Variants in MLLT1 observed in about 807,000 individuals in gnomAD.
The protein encoded by MLLT1 is protein ENL.
In MLLT1, 11 loss-of-function variants were observed where a neutral mutation model predicts 55.1. That is an observed-to-expected ratio of 0.20 (90% confidence interval 0.13 to 0.33). The LOEUF (loss-of-function observed/expected upper bound fraction) is 0.33, where lower values mean the gene tolerates loss of function less well. MLLT1 is among the 10% of genes least tolerant of loss of function. The probability of loss-of-function intolerance (pLI) is 1.00; values close to 1 mark genes in which losing one functional copy is unlikely to be tolerated. For synonymous variants in MLLT1, 323 were observed against 320.1 expected (o/e 1.01, Z -0.10); for missense variants, 536 against 760.6 (o/e 0.70, Z 3.47).
intron 3 of MLLT1, among the ~76,000 whole-genome samples, chr19:6,238,797 T>C (rs34441706): frequency 6.6e-6 from 1 of 151,532 alleles, no homozygotes; most frequent in Non-Finnish European, 1.5e-5. Flanking sequence ...AGCAAACGCC[T>C]TCTCCACCAG....
rs962255603 is a variant in MLLT1, at chr19:6,212,278, C to A, written c.*764G>T. On this transcript the variant is annotated 3_prime_UTR_variant, in exon 12 of 12. Transcript: ENST00000252674. ...CCCCCCCGGGAGCCCCGGTAGGAGG[C>A]GGCGGCATCCTTGGAACGGCAAAGG... 5 of 1,065,238 alleles carry A rather than the reference C, an allele frequency of 4.7e-6. No individual in the cohort carries two copies. The highest frequency in any genetic ancestry group is 5.7e-6 in the Non-Finnish European group (5 of 878,968). 66.0% of individuals were successfully genotyped at this position (1,065,238 alleles called of 1,614,324 possible).
chr19:6,212,383 C>A lies in MLLT1; in HGVS notation c.*659G>T. On this transcript the variant is annotated 3_prime_UTR_variant, in exon 12 of 12. Coordinates refer to ENST00000252674, the MANE Select transcript of MLLT1 (RefSeq NM_005934.4). ...CAGCCCCACACCACCGCAGAGACATCTTAACCTACAAGCCCCACCGTACGC... is the reference window on the plus strand; with the variant it reads ...CAGCCCCACACCACCGCAGAGACATATTAACCTACAAGCCCCACCGTACGC... The A allele has an allele frequency of 1.4e-5, 15 of 1,066,366 alleles. No individual in the cohort carries two copies. Among genetic ancestry groups the A allele is most frequent in the Non-Finnish European group, 1.7e-5 (15 of 879,836 alleles). The allele number at this position is 1,066,366 out of a possible 1,614,324, so 66.1% of individuals were successfully genotyped here.
chr19:6,225,449 G>A (rs965209915), intron 5 of MLLT1, among the ~76,000 whole-genome samples: 8 of 152,224 alleles, frequency 5.3e-5, no homozygotes, highest in African/African-American at 9.6e-5. Flanking sequence ...GGAAGAGGCC[G>A]GTTCATGGGC....
intron 3 of MLLT1, among the ~76,000 whole-genome samples, chr19:6,245,731 T>A (rs1490955971): frequency 5.2e-5 from 4 of 76,366 alleles, no homozygotes; most frequent in African/African-American, 2.4e-4. Context: ...CAAATAAAAT[T>A]TTTTTTTAAA....
chr19:6,270,546 T>C lies in MLLT1; in HGVS notation c.193+33A>G, dbSNP rs1182081000. 42 of 1,591,136 alleles carry C rather than the reference T, an allele frequency of 2.6e-5. No homozygotes were observed. Among genetic ancestry groups the C allele is most frequent in the Non-Finnish European group, 3.6e-5 (42 of 1,169,076 alleles). On this transcript the variant is annotated intron_variant, in intron 2 of 11. Coordinates refer to ENST00000252674, the MANE Select transcript of MLLT1 (RefSeq NM_005934.4). This position sits in a 1 kb window ranked among gnomAD's most constrained non-coding sequence, Gnocchi z 7.1. ...GGAGGAGTGAAGACAGATGGGTCCG[T>C]GCTGTGGGCACTCAGGGCTTGAGGC...
At position 6,211,030 on chromosome 19, in the gene MLLT1, G is replaced by A. The variant is rs1207349975; in HGVS notation, c.*2012C>T. On this transcript the variant is annotated 3_prime_UTR_variant, in exon 12 of 12. Transcript: ENST00000252674. The surrounding 1 kb of genome is among the most constrained non-coding windows in gnomAD (Gnocchi z 4.6). ...CCGACCCTCCTCTGGCTGAGTGGAA[G>A]GCTGCTCGAGTCGCTGTGTGGATTT... The A allele has an allele frequency of 8.6e-6, 2 of 231,620 alleles. No individual in the cohort carries two copies. The highest frequency in any genetic ancestry group is 1.7e-5 in the Non-Finnish European group (2 of 117,216). The allele number at this position is 231,620 out of a possible 1,614,324, so 14.3% of individuals were successfully genotyped here.
chr19:6,213,416 G>T lies in MLLT1; in HGVS notation c.1480-8C>A, dbSNP rs370244417. ...CAGCTCATCCGTGTAGGCCTGGGGAGGGGGGGCAGGTCTCAGCAGCGTGTG... is the reference window on the plus strand; with the variant it reads ...CAGCTCATCCGTGTAGGCCTGGGGATGGGGGGCAGGTCTCAGCAGCGTGTG... On this transcript the variant is annotated splice_polypyrimidine_tract_variant and splice_region_variant and intron_variant, in intron 10 of 11. Transcript: ENST00000252674. 15 of 1,608,558 alleles carry T rather than the reference G, an allele frequency of 9.3e-6. No individual in the cohort carries two copies. Among genetic ancestry groups the T allele is most frequent in the South Asian group, 1.1e-5 (1 of 91,062 alleles).
chr19:6,219,569 T>C lies in MLLT1; in HGVS notation c.1111-1528A>G, dbSNP rs1054733641. 2.0e-5 allele frequency among the ~76,000 whole-genome samples: 3 copies of C among 152,148 alleles called. No homozygotes were observed. Among genetic ancestry groups the C allele is most frequent in the Non-Finnish European group, 4.4e-5 (3 of 68,026 alleles). On this transcript the variant is annotated intron_variant, in intron 6 of 11. Coordinates refer to ENST00000252674, the MANE Select transcript of MLLT1 (RefSeq NM_005934.4). The surrounding 1 kb of genome is among the most constrained non-coding windows in gnomAD (Gnocchi z 4.5). ...AGGCCGTCCTATGTCAGCCTCAGTT[T>C]TCCCAGCACCGCCAGCTGCCTGCAC...
chr19:6,246,106 G>GA (rs58578599), intron 3 of MLLT1, among the ~76,000 whole-genome samples: 255 of 127,126 alleles, frequency 2.0e-3, no homozygotes, highest in Admixed American at 7.1e-3. Context: ...AAAACAAAGA[G>GA]AAAAAAAAAA....
intron 3 of MLLT1, among the ~76,000 whole-genome samples, chr19:6,247,641 TG>T (rs1050453969): frequency 6.6e-6 from 1 of 152,164 alleles, no homozygotes; most frequent in African/African-American, 2.4e-5. Context: ...AGGCCACCAC[TG>T]GGGGAGGCTA....
At chr19:6,244,359 A>G (rs555689514) in intron 3 of MLLT1, among the ~76,000 whole-genome samples, 1 of 150,462 alleles carries the variant, frequency 6.6e-6, no homozygotes, top group East Asian at 2.0e-4. Context: ...ACTGTAAACG[A>G]ACATTAAAAA....
chr19:6,253,222 G>A (rs148727608), intron 3 of MLLT1, among the ~76,000 whole-genome samples: 1,972 of 124,942 alleles, frequency 0.016, 56 homozygotes, highest in African/African-American at 0.057. Context: ...CCAAGATTGC[G>A]CCACTGCACT....
chr19:6,247,876 TTTTG>T (rs141160792), intron 3 of MLLT1, among the ~76,000 whole-genome samples: 2,520 of 147,442 alleles, frequency 0.017, 89 homozygotes, highest in African/African-American at 0.059. Context: ...CATTTTGGTG[TTTTG>T]TTTGTTTGTT....
rs910478129 is a variant in MLLT1, at chr19:6,213,326, G to T, written c.1551+11C>A. 5 of 1,612,180 alleles carry T rather than the reference G, an allele frequency of 3.1e-6. No individual in the cohort carries two copies. The highest frequency in any genetic ancestry group is 1.7e-5 in the Admixed American group (1 of 59,986). ...GACCTCTGCCGGGCAGGACCCTCAGGGGGGCGATACCTGCTGCAGCACGTT... is the reference window on the plus strand; with the variant it reads ...GACCTCTGCCGGGCAGGACCCTCAGTGGGGCGATACCTGCTGCAGCACGTT... On this transcript the variant is annotated intron_variant, in intron 11 of 11. Coordinates refer to ENST00000252674, the MANE Select transcript of MLLT1 (RefSeq NM_005934.4).
chr19:6,224,399 T>C (rs1335926834), intron 5 of MLLT1, among the ~76,000 whole-genome samples: 1 of 152,232 alleles, frequency 6.6e-6, no homozygotes, highest in Non-Finnish European at 1.5e-5. Flanking sequence ...AATGGGGCTG[T>C]GCTCCACAGC....
At position 6,240,529 on chromosome 19, in the gene MLLT1, A is replaced by G. The variant is rs2091104542; in HGVS notation, c.277-9816T>C. 6.6e-6 allele frequency among the ~76,000 whole-genome samples: 1 copy of G among 152,148 alleles called. No homozygotes were observed. The highest frequency in any genetic ancestry group is 2.4e-5 in the African/African-American group (1 of 41,438). On this transcript the variant is annotated intron_variant, in intron 3 of 11. Transcript: ENST00000252674. This position sits in a 1 kb window ranked among gnomAD's most constrained non-coding sequence, Gnocchi z 4.7. The stretch of plus-strand genomic sequence containing the variant: ...GGGAAAGGCAGAACCCACCCCATAT[A>G]CAGGCACTCAAGTGCTACTCCTCAT...
At chr19:6,218,737 G>A (rs367586390) in intron 6 of MLLT1, among the ~76,000 whole-genome samples, 3 of 152,240 alleles carry the variant, frequency 2.0e-5, no homozygotes, top group Non-Finnish European at 2.9e-5. Flanking sequence ...CAGGGCAGGC[G>A]TGTATGGGGC....
intron 3 of MLLT1, among the ~76,000 whole-genome samples, chr19:6,260,160 G>C (rs748957790): frequency 2.6e-5 from 4 of 151,934 alleles, no homozygotes; most frequent in Non-Finnish European, 5.9e-5. Flanking sequence ...AGCAGGCAGG[G>C]ATTCAGAGAG....
rs2227261 is a variant in MLLT1 at position 6,262,344 on chromosome 19, C to T, written c.194-34G>A. 411,717 of 1,583,720 alleles carry T rather than the reference C, an allele frequency of 0.26. 57,522 individuals carry two copies. Among genetic ancestry groups the T allele is most frequent in the African/African-American group, 0.45 (33,309 of 74,324 alleles). On this transcript the variant is annotated intron_variant, in intron 2 of 11. Transcript: ENST00000252674. This position sits in a 1 kb window ranked among gnomAD's most constrained non-coding sequence, Gnocchi z 4.4. Reference sequence around the variant, plus strand: ...AAAAGGAAGAAACACACCCATCAGCCTCCTGCCTGTTTCAGGCCCAGCTGC... The same window carrying T: ...AAAAGGAAGAAACACACCCATCAGCTTCCTGCCTGTTTCAGGCCCAGCTGC...
Sources: allele counts gnomAD v4.1 joint callset (sites outside exome capture counted in the v4.1 genomes callset), GRCh38; gene constraint gnomAD v4.1.1; non-coding constraint Gnocchi (gnomAD v3.1); transcripts MANE v1.5; gene names NCBI Gene and HGNC (gene_info 2026-07-23, HGNC 2026-07-21).